Variants in KCNQ1OT1 observed in about 807,000 individuals in gnomAD.
KCNQ1OT1 encodes the protein KCNQ1 opposite strand/antisense transcript 1.
chr11:2,689,447 G>C (rs1161888846), exon 1 of KCNQ1OT1: 1 of 398,674 alleles, frequency 2.5e-6, no homozygotes, highest in Admixed American at 4.4e-5. Flanking sequence ...GCCTTGGAAT[G>C]ACACTCCCAG....
At position 2,678,026 on chromosome 11, in the gene KCNQ1OT1, TTC is replaced by T. The variant is rs1554905828; in HGVS notation, n.21967_21968del. Reference sequence around the variant, plus strand: ...TCCAAATGCTTAAAATCATTTGTTTTTCTTTCTTGTGAACTATTTCTTCATAC... The same window carrying T: ...TCCAAATGCTTAAAATCATTTGTTTTTTTCTTGTGAACTATTTCTTCATAC... On this transcript the variant is annotated non_coding_transcript_exon_variant, in exon 1 of 1. Coordinates refer to ENST00000597346, the Ensembl canonical transcript of KCNQ1OT1. This position sits in a 1 kb window ranked among gnomAD's most constrained non-coding sequence, Gnocchi z 4.9. 5 of 398,200 alleles carry T rather than the reference TTC, an allele frequency of 1.3e-5. No individual in the cohort carries two copies. The highest frequency in any genetic ancestry group is 1.0e-4 in the African/African-American group (5 of 48,526). The allele number at this position is 398,200 out of a possible 1,614,324, so 24.7% of individuals were successfully genotyped here.
At chr11:2,696,200 G>T (rs1019082188) in exon 1 of KCNQ1OT1, 1 of 398,560 alleles carries the variant, frequency 2.5e-6, no homozygotes, top group Non-Finnish European at 4.4e-6. Flanking sequence ...CCCTGGCCCT[G>T]GAGATTATTC....
exon 1 of KCNQ1OT1, chr11:2,667,116 G>A: frequency 2.5e-6 from 1 of 398,680 alleles, no homozygotes; most frequent in Non-Finnish European, 4.4e-6. Context: ...GAGGCGTAAT[G>A]GCTCAGTGGG....
At chr11:2,641,538 A>G (rs1202295978) in exon 1 of KCNQ1OT1, 1 of 398,208 alleles carries the variant, frequency 2.5e-6, no homozygotes, top group East Asian at 3.6e-5. Context: ...TGGTATTAGT[A>G]CCTTGTCAGA....
chr11:2,685,638 G>C (rs947092480), exon 1 of KCNQ1OT1: 5 of 398,624 alleles, frequency 1.3e-5, no homozygotes, highest in Admixed American at 4.4e-5. Context: ...TCAGGGTTGA[G>C]GGGACAAGCC....
rs1387586623 is a variant in KCNQ1OT1, at chr11:2,652,536, T to A, written n.47459A>T. ...CTGTGAGCTCAACTCTTGGAGAAGA[T>A]AGTGCTTAACCCAGATTCCATTGTA... On this transcript the variant is annotated non_coding_transcript_exon_variant, in exon 1 of 1. Coordinates refer to ENST00000597346, the Ensembl canonical transcript of KCNQ1OT1. This position sits in a 1 kb window ranked among gnomAD's most constrained non-coding sequence, Gnocchi z 5.9. 2.5e-6 allele frequency: 1 copy of A among 398,522 alleles called. No homozygotes were observed. Among genetic ancestry groups the A allele is most frequent in the Non-Finnish European group, 4.4e-6 (1 of 226,074 alleles). The allele number at this position is 398,522 out of a possible 1,614,324, so 24.7% of individuals were successfully genotyped here. A position where few individuals can be genotyped will look rare whatever the true frequency, so the allele number is the denominator to read the frequency against.
chr11:2,677,246 GTAAAGAGGAACTTA>G lies in KCNQ1OT1; in HGVS notation n.22735_22748del, dbSNP rs375102601. The stretch of plus-strand genomic sequence containing the variant: ...AAAGACAATATAAAGCACACACAAA[GTAAAGAGGAACTTA>G]TAAAGAGGAACTGTAAATCTTGTCA... On this transcript the variant is annotated non_coding_transcript_exon_variant, in exon 1 of 1. Transcript: ENST00000597346. The surrounding 1 kb of genome is among the most constrained non-coding windows in gnomAD (Gnocchi z 4.5). 1.6e-3 allele frequency: 640 copies of G among 398,532 alleles called. 1 individual carries two copies. The highest frequency in any genetic ancestry group is 0.012 in the African/African-American group (571 of 48,710). The allele number at this position is 398,532 out of a possible 1,614,324, so 24.7% of individuals were successfully genotyped here.
In KCNQ1OT1 at chr11:2,652,468, GA is replaced by G. The variant is rs1849772394; in HGVS notation, n.47526del. On this transcript the variant is annotated non_coding_transcript_exon_variant, in exon 1 of 1. Coordinates refer to ENST00000597346, the Ensembl canonical transcript of KCNQ1OT1. This position sits in a 1 kb window ranked among gnomAD's most constrained non-coding sequence, Gnocchi z 5.9. ...TGTTTTCTCCATCCAAAGACCTCCA[GA>G]AACTTTCCTCCCCACCTCTCCAGAG... 1 of 398,474 alleles carries G rather than the reference GA, an allele frequency of 2.5e-6. No homozygotes were observed. The highest frequency in any genetic ancestry group is 2.1e-5 in the African/African-American group (1 of 48,598). 24.7% of individuals were successfully genotyped at this position (398,474 alleles called of 1,614,324 possible).
At chr11:2,637,817 C>G (rs186678588) in exon 1 of KCNQ1OT1, 6 of 152,284 alleles carry the variant, frequency 3.9e-5, no homozygotes, top group Admixed American at 2.6e-4. Flanking sequence ...GTGTGGGAGT[C>G]TGTCTCTTTG....
At position 2,653,974 on chromosome 11, in the gene KCNQ1OT1, A is replaced by G; in HGVS notation, n.46021T>C. 2.5e-6 allele frequency: 1 copy of G among 398,620 alleles called. No homozygotes were observed. Among genetic ancestry groups the G allele is most frequent in the Non-Finnish European group, 4.4e-6 (1 of 226,076 alleles). 24.7% of individuals were successfully genotyped at this position (398,620 alleles called of 1,614,324 possible). On this transcript the variant is annotated non_coding_transcript_exon_variant, in exon 1 of 1. Transcript: ENST00000597346. The surrounding 1 kb of genome is among the most constrained non-coding windows in gnomAD (Gnocchi z 5.3). ...CAACAGGTGTCCACTCAAGCAAGGT[A>G]TTTTCCTAAGCGGAACTGGGTGCCA...
exon 1 of KCNQ1OT1, chr11:2,629,046 T>C (rs1849309001): frequency 2.5e-6 from 1 of 398,214 alleles, no homozygotes. Flanking sequence ...TTTGTTCTTA[T>C]TGCTCAAGTA....
In KCNQ1OT1 at chr11:2,670,375, C is replaced by T. The variant is rs1325262377; in HGVS notation, n.29620G>A. 2 of 398,322 alleles carry T rather than the reference C, an allele frequency of 5.0e-6. No individual in the cohort carries two copies. Among genetic ancestry groups the T allele is most frequent in the African/African-American group, 4.1e-5 (2 of 48,548 alleles). 24.7% of individuals were successfully genotyped at this position (398,322 alleles called of 1,614,324 possible). Reference sequence around the variant, plus strand: ...CAGATGGTTAGTATAGGCTGAAATTCCAAGAGCATTAACCAGACACCTACT... The same window carrying T: ...CAGATGGTTAGTATAGGCTGAAATTTCAAGAGCATTAACCAGACACCTACT... On this transcript the variant is annotated non_coding_transcript_exon_variant, in exon 1 of 1. Transcript: ENST00000597346. This position sits in a 1 kb window ranked among gnomAD's most constrained non-coding sequence, Gnocchi z 4.9.
chr11:2,656,603 A>T (rs946472974), exon 1 of KCNQ1OT1: 1 of 398,424 alleles, frequency 2.5e-6, no homozygotes, highest in Non-Finnish European at 4.4e-6. Flanking sequence ...TACTTTGTCT[A>T]TTGCCCATTT....
At chr11:2,628,509 G>A (rs1849297014) in exon 1 of KCNQ1OT1, 1 of 398,216 alleles carries the variant, frequency 2.5e-6, no homozygotes, top group African/African-American at 2.1e-5. Context: ...TTTTTTGCTA[G>A]TTATATGAGT....
rs1850317584 is a variant in KCNQ1OT1 at position 2,677,683 on chromosome 11, C to A, written n.22312G>T. 2.5e-6 allele frequency: 1 copy of A among 398,542 alleles called. No individual in the cohort carries two copies. The highest frequency in any genetic ancestry group is 1.3e-4 in the South Asian group (1 of 7,852). The allele number at this position is 398,542 out of a possible 1,614,324, so 24.7% of individuals were successfully genotyped here. On this transcript the variant is annotated non_coding_transcript_exon_variant, in exon 1 of 1. Coordinates refer to ENST00000597346, the Ensembl canonical transcript of KCNQ1OT1. The surrounding 1 kb of genome is among the most constrained non-coding windows in gnomAD (Gnocchi z 4.5). ...ATGAGATAAAATAATATTTTAACTA[C>A]TGTTATTTTTCAAATTAACTTCCCA... is the stretch of plus-strand genomic sequence containing the variant.
At position 2,657,624 on chromosome 11, in the gene KCNQ1OT1, TTA is replaced by T. The variant is rs1849873023; in HGVS notation, n.42369_42370del. On this transcript the variant is annotated non_coding_transcript_exon_variant, in exon 1 of 1. Coordinates refer to ENST00000597346, the Ensembl canonical transcript of KCNQ1OT1. The surrounding 1 kb of genome is among the most constrained non-coding windows in gnomAD (Gnocchi z 4.8). ...CTAAAAAATTAACATTGGTACACTA[TTA>T]AGCTAGAGTTATAAATTTATTTGGA... 2.5e-6 allele frequency: 1 copy of T among 398,636 alleles called. No homozygotes were observed. Among genetic ancestry groups the T allele is most frequent in the East Asian group, 3.6e-5 (1 of 28,076 alleles). The allele number at this position is 398,636 out of a possible 1,614,324, so 24.7% of individuals were successfully genotyped here.
At position 2,685,947 on chromosome 11, in the gene KCNQ1OT1, G is replaced by C. The variant is rs144274125; in HGVS notation, n.14048C>G. The stretch of plus-strand genomic sequence containing the variant: ...TCTGGGCCCACTCTCCCATCCTCCT[G>C]CTGGGTCACACGGATGAGGCCTGTA... On this transcript the variant is annotated non_coding_transcript_exon_variant, in exon 1 of 1. Transcript: ENST00000597346. 3.6e-4 allele frequency: 143 copies of C among 398,780 alleles called. 1 individual carries two copies. In the East Asian group the frequency reaches 4.6e-3, roughly 13 times the overall value. The allele number at this position is 398,780 out of a possible 1,614,324, so 24.7% of individuals were successfully genotyped here. A position where few individuals can be genotyped will look rare whatever the true frequency, so the allele number is the denominator to read the frequency against.
At position 2,651,879 on chromosome 11, in the gene KCNQ1OT1, G is replaced by A; in HGVS notation, n.48116C>T. The A allele has an allele frequency of 2.5e-6, 1 of 398,754 alleles. No homozygotes were observed. Among genetic ancestry groups the A allele is most frequent in the Admixed American group, 4.4e-5 (1 of 22,738 alleles). The allele number at this position is 398,754 out of a possible 1,614,324, so 24.7% of individuals were successfully genotyped here. ...CTTTTCTTGAAGTAGTGTTCAGGCT[G>A]AGGGGGTCATAGCCGAGGGTCCCTC... On this transcript the variant is annotated non_coding_transcript_exon_variant, in exon 1 of 1. Transcript: ENST00000597346. The surrounding 1 kb of genome is among the most constrained non-coding windows in gnomAD (Gnocchi z 6.1).
rs1485491497 is a variant in KCNQ1OT1 at position 2,621,662 on chromosome 11, G to T, written n.78333C>A. 4 of 398,176 alleles carry T rather than the reference G, an allele frequency of 1.0e-5. No homozygotes were observed. The highest frequency in any genetic ancestry group is 1.8e-5 in the Non-Finnish European group (4 of 225,974). 24.7% of individuals were successfully genotyped at this position (398,176 alleles called of 1,614,324 possible). On this transcript the variant is annotated non_coding_transcript_exon_variant, in exon 1 of 1. Transcript: ENST00000597346. This position sits in a 1 kb window ranked among gnomAD's most constrained non-coding sequence, Gnocchi z 5.7. ...CCATTTCCTCTAGGTTATCCAATTT[G>T]TTGGGATATAATTGTTCATAAAAGT...
Sources: gnomAD v4.1 joint callset for allele counts on GRCh38, gnomAD v4.1.1 for gene constraint, Gnocchi (gnomAD v3.1) non-coding constraint, MANE v1.5 for transcripts, NCBI Gene and HGNC (gene_info 2026-07-23, HGNC 2026-07-21) for gene names.